The following NRG1 variants were observed in gnomAD, a reference collection of about 807,000 sequenced individuals.
NRG1 encodes neuregulin 1.
Under a neutral mutation model 63.8 loss-of-function variants are expected in NRG1, and 18 were observed. The observed-to-expected ratio is 0.28, with a 90% confidence interval of 0.19 to 0.42. The LOEUF is 0.42. NRG1 is among the 10% of genes least tolerant of loss of function. The pLI, the probability that NRG1 is intolerant of heterozygous loss-of-function variation, is 1.00. For synonymous variants in NRG1, 302 were observed against 301.3 expected (o/e 1.00, Z -0.02); for missense variants, 762 against 814.7 (o/e 0.94, Z 0.79).
chr8:32,255,839 G>A (rs958663839), intron 1 of NRG1, among the ~76,000 whole-genome samples: 2 of 152,120 alleles, frequency 1.3e-5, no homozygotes, highest in East Asian at 1.9e-4. Context: ...TGACTTTCAG[G>A]TACACTAATC....
At chr8:32,503,427 T>C (rs964449006) in intron 1 of NRG1, among the ~76,000 whole-genome samples, 2 of 152,120 alleles carry the variant, frequency 1.3e-5, no homozygotes, top group Non-Finnish European at 2.9e-5. Flanking sequence ...AGTATAACTT[T>C]AAGATTTCAA....
At chr8:31,987,797 T>C (rs894058118) in intron 1 of NRG1, among the ~76,000 whole-genome samples, 1 of 152,120 alleles carries the variant, frequency 6.6e-6, no homozygotes, top group African/African-American at 2.4e-5. Context: ...CTCAGCATTT[T>C]AAATAACCTC....
At chr8:32,720,834 G>T (rs559764046) in intron 5 of NRG1, among the ~76,000 whole-genome samples, 2 of 152,184 alleles carry the variant, frequency 1.3e-5, no homozygotes, top group South Asian at 2.1e-4. Context: ...CAACTTGTAG[G>T]TTTGAAAAAT....
chr8:32,501,676 AG>A (rs1422614350), intron 1 of NRG1, among the ~76,000 whole-genome samples: 1 of 152,266 alleles, frequency 6.6e-6, no homozygotes, highest in African/African-American at 2.4e-5. Flanking sequence ...TAAATATGGA[AG>A]ATAACATAAT....
chr8:32,702,556 G>C (rs1815204192), intron 5 of NRG1, among the ~76,000 whole-genome samples: 1 of 152,136 alleles, frequency 6.6e-6, no homozygotes, highest in Non-Finnish European at 1.5e-5. Context: ...GTGCAGTCTT[G>C]GCTAACTACC....
intron 1 of NRG1, among the ~76,000 whole-genome samples, chr8:32,498,368 A>G (rs559486581): frequency 1.3e-5 from 2 of 152,304 alleles, no homozygotes; most frequent in East Asian, 3.9e-4. Context: ...TAAATGAAAA[A>G]GGTTTGACTC....
intron 1 of NRG1, among the ~76,000 whole-genome samples, chr8:32,470,229 G>A (rs1458028597): frequency 7.0e-6 from 1 of 141,996 alleles, no homozygotes; most frequent in African/African-American, 2.6e-5. Context: ...TGCCCAGGCT[G>A]GAGTGCAGTG....
chr8:32,323,917 A>G (rs1274566551), intron 1 of NRG1, among the ~76,000 whole-genome samples: 3 of 152,210 alleles, frequency 2.0e-5, no homozygotes, highest in Admixed American at 2.0e-4. Context: ...ATAGTACCAT[A>G]GTTTCAGTAA....
chr8:32,107,091 C>T (rs1831375712), intron 1 of NRG1, among the ~76,000 whole-genome samples: 1 of 149,602 alleles, frequency 6.7e-6, no homozygotes, highest in African/African-American at 2.4e-5. Flanking sequence ...AACAAATTAG[C>T]CAGGAGTGGT....
chr8:32,473,261 A>G (rs542654759), intron 1 of NRG1, among the ~76,000 whole-genome samples: 2 of 152,230 alleles, frequency 1.3e-5, no homozygotes, highest in Non-Finnish European at 2.9e-5. Context: ...TGCATACACA[A>G]TACTTATTCA....
Position 32,551,529 on chromosome 8 carries a change from G to C in NRG1, c.100+2703G>C, listed in dbSNP as rs192989001. Among the ~76,000 whole-genome samples, 221 of 152,290 alleles carry C rather than the reference G, an allele frequency of 1.5e-3. 1 individual carries two copies. The highest frequency in any genetic ancestry group is 2.6e-3 in the Non-Finnish European group (179 of 68,028). On this transcript the variant is annotated intron_variant, in intron 1 of 11. Coordinates refer to ENST00000356819, the Ensembl canonical transcript of NRG1. ...CACATCTGTTGGAGGGAAATTTTCA[G>C]GGGGAAAAGGCTTCTTTAACTTTCA...
intron 1 of NRG1, among the ~76,000 whole-genome samples, chr8:32,138,582 A>G (rs972345370): frequency 1.3e-5 from 2 of 151,602 alleles, no homozygotes; most frequent in Non-Finnish European, 2.9e-5. Flanking sequence ...TTTTTTTGAG[A>G]CAGGGTCTCA....
At chr8:32,290,650 A>G (rs2129473999) in intron 1 of NRG1, among the ~76,000 whole-genome samples, 1 of 152,314 alleles carries the variant, frequency 6.6e-6, no homozygotes, top group East Asian at 1.9e-4. Flanking sequence ...TATTCACGAT[A>G]TCGAAGCTAC....
chr8:32,293,707 C>T (rs1349913179), intron 1 of NRG1, among the ~76,000 whole-genome samples: 39 of 127,086 alleles, frequency 3.1e-4, no homozygotes, highest in South Asian at 9.9e-4. Context: ...TTTCTTTTTT[C>T]TTTTCTTCTT....
At chr8:31,871,467 A>G (rs1350918247) in intron 1 of NRG1, among the ~76,000 whole-genome samples, 1 of 151,976 alleles carries the variant, frequency 6.6e-6, no homozygotes, top group Non-Finnish European at 1.5e-5. Flanking sequence ...GGAGCCATTT[A>G]TATTGCATTA....
intron 1 of NRG1, among the ~76,000 whole-genome samples, chr8:31,655,587 C>A (rs1805354089): frequency 6.6e-6 from 1 of 152,112 alleles, no homozygotes; most frequent in Non-Finnish European, 1.5e-5. Context: ...TTCTAGACTT[C>A]CAGGATTCCA....
chr8:31,928,440 G>A (rs1169285929), intron 1 of NRG1, among the ~76,000 whole-genome samples: 2 of 150,742 alleles, frequency 1.3e-5, no homozygotes, highest in African/African-American at 4.9e-5. Context: ...ACAATATGGG[G>A]ATTTCTCAAA....
intron 1 of NRG1, among the ~76,000 whole-genome samples, chr8:31,908,955 T>C (rs1832732968): frequency 6.6e-6 from 1 of 152,196 alleles, no homozygotes; most frequent in Admixed American, 6.5e-5. Flanking sequence ...TTTGATTATA[T>C]AAAGATAAGG....
intron 1 of NRG1, among the ~76,000 whole-genome samples, chr8:32,344,215 G>A (rs971011007): frequency 2.0e-5 from 3 of 152,108 alleles, no homozygotes; most frequent in Non-Finnish European, 2.9e-5. Flanking sequence ...TGGGTTCTTC[G>A]AAATGGCAAG....
Sources: allele counts gnomAD v4.1 joint callset (sites outside exome capture counted in the v4.1 genomes callset), GRCh38; gene constraint gnomAD v4.1.1; transcripts MANE v1.5; gene names NCBI Gene and HGNC (gene_info 2026-07-23, HGNC 2026-07-21).